LETM1: variants seen among roughly 807,000 people sequenced by gnomAD.
The protein encoded by LETM1 is leucine zipper and EF-hand containing transmembrane protein 1, also known as mitochondrial proton/calcium exchanger protein.
Under a neutral mutation model 74.5 loss-of-function variants are expected in LETM1, and 50 were observed. The ratio of observed to expected loss-of-function variants is 0.67; its 90% CI spans 0.53 to 0.85. The LOEUF is 0.85. LETM1 is among the 40% of genes least tolerant of loss of function. The pLI is 0.00. For missense variants in LETM1, 824 were observed against 967.8 expected, an observed-to-expected ratio of 0.85 and a Z score of 1.97; for synonymous variants, 446 against 407.1, an observed-to-expected ratio of 1.10 and a Z score of -1.15.
chr4:1,816,630 C>T (rs1231463028), intron 12 of LETM1, 97 bp downstream of exon 12: 15 of 1,207,278 alleles, frequency 1.2e-5, no homozygotes, highest in Admixed American at 6.4e-5. Flanking sequence ...TACAATGTGC[C>T]CTTTGGAGCC....
At chr4:1,848,444 A>C (rs1712956571) in intron 2 of LETM1, among the ~76,000 whole-genome samples, 1 of 151,008 alleles carries the variant, frequency 6.6e-6, no homozygotes, top group African/African-American at 2.4e-5. Context: ...GCTACTTGGG[A>C]GGCTGAGGCA....
In LETM1 at chr4:1,852,374, T is replaced by C. The variant is rs183532529; in HGVS notation, c.83-3165A>G. ...GTCCCGAGCACAGGATCCTTTGTCC[T>C]GTGGAGCTAGGTGGACGCCAGTGGG... is the stretch of plus-strand genomic sequence containing the variant. On this transcript the variant is annotated intron_variant, in intron 1 of 13. Coordinates refer to ENST00000302787, the MANE Select transcript of LETM1 (RefSeq NM_012318.3). Among the ~76,000 whole-genome samples the C allele has an allele frequency of 6.6e-5, 10 of 152,284 alleles. No homozygotes were observed. In the East Asian group the frequency reaches 1.2e-3, roughly 18 times the overall value.
In LETM1 at chr4:1,834,679, C is replaced by T; in HGVS notation, c.876+166G>A. ...TTAACTCACTGGGAGCTCGTGGGGG[C>T]AGACTCCTGACACTCCACTGGCCCC... On this transcript the variant is annotated intron_variant, in intron 5 of 13. Coordinates refer to ENST00000302787, the MANE Select transcript of LETM1 (RefSeq NM_012318.3). This position sits in a 1 kb window ranked among gnomAD's most constrained non-coding sequence, Gnocchi z 5.0. 6.9e-7 allele frequency: 1 copy of T among 1,451,894 alleles called. No homozygotes were observed. Among genetic ancestry groups the T allele is most frequent in the Non-Finnish European group, 9.0e-7 (1 of 1,106,680 alleles). 89.9% of individuals were successfully genotyped at this position (1,451,894 alleles called of 1,614,324 possible).
chr4:1,820,238 CTGTT>C (rs1449424552), intron 10 of LETM1, among the ~76,000 whole-genome samples: 1 of 152,142 alleles, frequency 6.6e-6, no homozygotes, highest in Non-Finnish European at 1.5e-5. Flanking sequence ...CCCAGCCTCT[CTGTT>C]TGGTTTTTCT....
At chr4:1,828,677 CG>C (rs1712122186) in intron 6 of LETM1, among the ~76,000 whole-genome samples, 2 of 126,136 alleles carry the variant, frequency 1.6e-5, no homozygotes, top group African/African-American at 3.2e-5. Flanking sequence ...GCTGGCTGGG[CG>C]GGGGGCTGAC....
rs2108847746 is a variant in LETM1 at position 1,834,989 on chromosome 4, G to C, written c.739-7C>G. The C allele has an allele frequency of 1.9e-6, 3 of 1,613,132 alleles. No homozygotes were observed. Among genetic ancestry groups the C allele is most frequent in the South Asian group, 1.1e-5 (1 of 91,068 alleles). ...CCTTCTTCAGCCTCTCCTCCTGCAA[G>C]GGCAGAGAGGGCACTGCATTCCAAC... On this transcript the variant is annotated splice_polypyrimidine_tract_variant and splice_region_variant and intron_variant, in intron 4 of 13. Transcript: ENST00000302787. The surrounding 1 kb of genome is among the most constrained non-coding windows in gnomAD (Gnocchi z 5.0).
In LETM1 at chr4:1,829,766, G is replaced by A. The variant is rs542603843; in HGVS notation, c.1080+2978C>T. Among the ~76,000 whole-genome samples, 4 of 152,318 alleles carry A rather than the reference G, an allele frequency of 2.6e-5. No homozygotes were observed. The South Asian group carries it at 6.2e-4, about 24-fold the overall frequency. On this transcript the variant is annotated intron_variant, in intron 6 of 13. Coordinates refer to ENST00000302787, the MANE Select transcript of LETM1 (RefSeq NM_012318.3). ...GTCCAGGAGATCAAGGCTACAGTGA[G>A]TTGAGATTGTGCCAGTGGACTGCAC... is the stretch of plus-strand genomic sequence containing the variant.
At chr4:1,826,330 G>C (rs1317539275) in intron 6 of LETM1, among the ~76,000 whole-genome samples, 1 of 152,218 alleles carries the variant, frequency 6.6e-6, no homozygotes, top group African/African-American at 2.4e-5. Flanking sequence ...GGGGTAGACA[G>C]TACCACCACC....
rs1283395434 is a variant in LETM1, at chr4:1,812,634, T to C, written c.*1790A>G. 1 of 152,232 alleles carries C rather than the reference T, an allele frequency of 6.6e-6. No individual in the cohort carries two copies. The highest frequency in any genetic ancestry group is 2.4e-5 in the African/African-American group (1 of 41,394). 9.4% of individuals were successfully genotyped at this position (152,232 alleles called of 1,614,324 possible). A position where few individuals can be genotyped will look rare whatever the true frequency, so the allele number is the denominator to read the frequency against. On this transcript the variant is annotated 3_prime_UTR_variant, in exon 14 of 14. Transcript: ENST00000302787. ...AGGTGCAAGAAGAAAGGTCAGGACA[T>C]AGAGAAAAATGCACACAGAACGATG...
At position 1,814,576 on chromosome 4, in the gene LETM1, A is replaced by G. The variant is rs531216083; in HGVS notation, c.2071-3T>C. 6.2e-7 allele frequency: 1 copy of G among 1,612,756 alleles called. No homozygotes were observed. The highest frequency in any genetic ancestry group is 8.5e-7 in the Non-Finnish European group (1 of 1,179,310). ...TCTTTGTCCACCAGCTCAATCACCT[A>G]CACACGTGGGAAAGGGAGAGGCTCA... On this transcript the variant is annotated splice_polypyrimidine_tract_variant and splice_region_variant and intron_variant, in intron 13 of 13. Transcript: ENST00000302787.
chr4:1,848,832 T>C (rs1470343495), intron 2 of LETM1, among the ~76,000 whole-genome samples: 3 of 151,524 alleles, frequency 2.0e-5, no homozygotes, highest in African/African-American at 7.3e-5. Context: ...GAGGGCACAG[T>C]TGCCAGTGCC....
chr4:1,852,894 C>G (rs1339077079), intron 1 of LETM1, among the ~76,000 whole-genome samples: 1 of 152,186 alleles, frequency 6.6e-6, no homozygotes, highest in African/African-American at 2.4e-5. Flanking sequence ...CAGGAAACTT[C>G]CAGGGTTCTC....
chr4:1,847,711 C>A (rs2108855618), intron 2 of LETM1, among the ~76,000 whole-genome samples: 1 of 151,354 alleles, frequency 6.6e-6, no homozygotes, highest in East Asian at 2.0e-4. Context: ...CTAATCCCAG[C>A]TACTAGGGAG....
At position 1,841,231 on chromosome 4, in the gene LETM1, G is replaced by C. The variant is rs1027775983; in HGVS notation, c.594+116C>G. 6 of 894,888 alleles carry C rather than the reference G, an allele frequency of 6.7e-6. No individual in the cohort carries two copies. In the African/African-American group the frequency reaches 1.0e-4, roughly 15 times the overall value. The allele number at this position is 894,888 out of a possible 1,614,324, so 55.4% of individuals were successfully genotyped here. ...GTGGTGGCACATGCCTGTGGTCCCA[G>C]ATACTCGGGAGGCTGAGGCAGGAGG... On this transcript the variant is annotated intron_variant, in intron 3 of 13. Coordinates refer to ENST00000302787, the MANE Select transcript of LETM1 (RefSeq NM_012318.3).
chr4:1,822,414 A>G, intron 9 of LETM1, 102 bp from the exon 10 acceptor site: 1 of 1,256,286 alleles, frequency 8.0e-7, no homozygotes, highest in Non-Finnish European at 1.0e-6. Context: ...CACTGGGAGC[A>G]GGCCTGCAGG....
rs746663018 is a variant in LETM1 at position 1,832,773 on chromosome 4, G to T, written c.1051C>A (p.Arg351=). The T allele has an allele frequency of 5.6e-6, 9 of 1,614,186 alleles. No homozygotes were observed. The Admixed American group carries it at 1.5e-4, about 27-fold the overall frequency. The change falls in exon 6 of 14, where the codon CGG becomes AGG. Residue 351 remains arginine, a synonymous_variant. Coordinates refer to ENST00000302787, the MANE Select transcript of LETM1 (RefSeq NM_012318.3). ...TCGTCTGCCTTTATGGAGCGCAGCC[G>T]CATGGTAAGCTGGAAGCGCAGGAAG... ...NNFLRFQLTM[R]LRSIKADDKL...
chr4:1,827,078 C>G (rs1712017582), intron 6 of LETM1, among the ~76,000 whole-genome samples: 1 of 152,190 alleles, frequency 6.6e-6, no homozygotes, highest in Non-Finnish European at 1.5e-5. Flanking sequence ...GACCCTCGCT[C>G]TGGTTGCTGG....
At chr4:1,845,550 C>CTTTTTTTTTT (rs756401146) in intron 2 of LETM1, among the ~76,000 whole-genome samples, 1 of 130,272 alleles carries the variant, frequency 7.7e-6, no homozygotes, top group Non-Finnish European at 1.7e-5. Context: ...TTTTTTTTTT[C>CTTTTTTTTTT]TTTTTTTTTT....
intron 7 of LETM1, among the ~76,000 whole-genome samples, chr4:1,824,113 A>G (rs1711897393): frequency 2.0e-5 from 3 of 152,178 alleles, no homozygotes; most frequent in African/African-American, 7.2e-5. Context: ...ACCTGAGGTC[A>G]GAAGTTCGAG....
Sources: gnomAD v4.1 joint callset for allele counts (sites outside exome capture counted in the v4.1 genomes callset) on GRCh38, gnomAD v4.1.1 for gene constraint, Gnocchi (gnomAD v3.1) non-coding constraint, MANE v1.5 for transcripts, NCBI Gene and HGNC (gene_info 2026-07-23, HGNC 2026-07-21) for gene names.